The following SLC5A12 variants were observed in gnomAD, a reference collection of about 807,000 sequenced individuals.
SLC5A12 encodes sodium-coupled monocarboxylate transporter 2.
In SLC5A12, 46 loss-of-function variants were observed where a neutral mutation model predicts 72.7. The ratio of observed to expected loss-of-function variants is 0.63; its 90% CI spans 0.50 to 0.81. The LOEUF (loss-of-function observed/expected upper bound fraction) is 0.81. SLC5A12 is among the 30% of genes least tolerant of loss of function. The pLI, the probability that SLC5A12 is intolerant of heterozygous loss-of-function variation, is 0.00. For synonymous variants in SLC5A12, 275 were observed against 264.4 expected (o/e 1.04, Z -0.39); for missense variants, 683 against 740.7 (o/e 0.92, Z 0.90).
At chr11:26,708,903 C>CT (rs1258969664) in intron 4 of SLC5A12, among the ~76,000 whole-genome samples, 1 of 152,054 alleles carries the variant, frequency 6.6e-6, no homozygotes, top group African/African-American at 2.4e-5. Flanking sequence ...TCACTGCTCA[C>CT]TTGTATGTAC....
intron 13 of SLC5A12, among the ~76,000 whole-genome samples, chr11:26,673,955 T>C (rs1056019348): frequency 6.6e-6 from 1 of 152,112 alleles, no homozygotes; most frequent in African/African-American, 2.4e-5. Flanking sequence ...TTTTTATTGT[T>C]CCTTCTTTTC....
chr11:26,707,090 T>C (rs1705559686), intron 4 of SLC5A12, among the ~76,000 whole-genome samples: 1 of 151,874 alleles, frequency 6.6e-6, no homozygotes, highest in African/African-American at 2.4e-5. Flanking sequence ...TCCTGAAAGA[T>C]AGTTTTATCA....
chr11:26,699,082 T>C (rs551433048), intron 6 of SLC5A12, among the ~76,000 whole-genome samples: 1 of 152,384 alleles, frequency 6.6e-6, no homozygotes, highest in East Asian at 1.9e-4. Context: ...ACCCATACTA[T>C]GTGGTGCAAT....
At chr11:26,694,986 A>G (rs1854775034) in intron 8 of SLC5A12, among the ~76,000 whole-genome samples, 1 of 152,024 alleles carries the variant, frequency 6.6e-6, no homozygotes, top group South Asian at 2.1e-4. Flanking sequence ...AAGCACAATT[A>G]CATAAGAGAA....
chr11:26,692,017 T>C (rs1389621575), intron 9 of SLC5A12: 1 of 155,796 alleles, frequency 6.4e-6, no homozygotes, highest in Non-Finnish European at 1.4e-5. Context: ...ATGTGATTAG[T>C]TTGCAGGGGT....
In SLC5A12 at chr11:26,698,399, C is replaced by CCCATA; in HGVS notation, c.951+2_951+6dup. The CCCATA allele has an allele frequency of 6.2e-7, 1 of 1,613,248 alleles. No homozygotes were observed. ...ACACTCGCCACTGTCCTCAAGAAAACCCATACCTGGTCTGGTGCTGAGATG... is the reference window on the plus strand; with the variant it reads ...ACACTCGCCACTGTCCTCAAGAAAACCCATACCATACCTGGTCTGGTGCTGAGATG... On this transcript the variant is annotated splice_region_variant and intron_variant, in intron 7 of 14. Transcript: ENST00000396005.
intron 1 of SLC5A12, among the ~76,000 whole-genome samples, chr11:26,719,674 G>C (rs369065701): frequency 3.9e-5 from 6 of 152,080 alleles, no homozygotes; most frequent in Admixed American, 1.3e-4. Context: ...CACTTCCCTT[G>C]TCTGGTGCAA....
intron 12 of SLC5A12, among the ~76,000 whole-genome samples, chr11:26,680,002 C>A (rs1854354162): frequency 6.6e-6 from 1 of 151,644 alleles, no homozygotes; most frequent in African/African-American, 2.4e-5. Context: ...ACAAGACTAG[C>A]CTCAAGATTG....
chr11:26,673,213 C>T (rs761657079), intron 14 of SLC5A12, among the ~76,000 whole-genome samples, 189 bp downstream of exon 14: 1 of 152,176 alleles, frequency 6.6e-6, no homozygotes. Flanking sequence ...GCACTTTTAC[C>T]TATCAACATA....
intron 13 of SLC5A12, among the ~76,000 whole-genome samples, chr11:26,677,790 T>C (rs931640238): frequency 6.6e-6 from 1 of 152,302 alleles, no homozygotes; most frequent in Non-Finnish European, 1.5e-5. Flanking sequence ...ACCAGAAATG[T>C]TGCCATTCAG....
chr11:26,683,270 G>T (rs1384749503), intron 11 of SLC5A12, among the ~76,000 whole-genome samples: 2 of 152,192 alleles, frequency 1.3e-5, no homozygotes, highest in East Asian at 3.9e-4. Flanking sequence ...GCTTGTCAGA[G>T]CAGCAAAATG....
At chr11:26,718,480 G>A (rs772925704) in intron 1 of SLC5A12, among the ~76,000 whole-genome samples, 12 of 152,098 alleles carry the variant, frequency 7.9e-5, no homozygotes, top group Non-Finnish European at 1.2e-4. Context: ...TTTTTTTAAA[G>A]ACAGAGTCTC....
chr11:26,716,638 CT>C (rs1027533287), intron 1 of SLC5A12, among the ~76,000 whole-genome samples: 1 of 152,158 alleles, frequency 6.6e-6, no homozygotes, highest in African/African-American at 2.4e-5. Context: ...ACCAACTCTA[CT>C]TTTCAGGTTG....
intron 13 of SLC5A12, 38 bp from the exon 14 acceptor site, chr11:26,673,567 G>A (rs751384867): frequency 9.1e-6 from 14 of 1,539,732 alleles, no homozygotes; most frequent in Middle Eastern, 1.7e-4. Flanking sequence ...ATGGTTGCAG[G>A]CCTCCATGTC....
At position 26,673,488 on chromosome 11, in the gene SLC5A12, G is replaced by T. The variant is rs761272043; in HGVS notation, c.1621C>A (p.Pro541Thr). ...CAAAAGCAAAATAAATTACAAACTG[G>T]TCTAATTAACAGTGGTTGAATATCC... is the stretch of plus-strand genomic sequence containing the variant. ...GEDIQPLLIR[P>T]VCNLFCFWSK... Residue 541 changes from proline to threonine, a missense_variant, in exon 14 of 15, where the codon CCA (proline) becomes ACA (threonine). By Grantham distance (38) the Pro-to-Thr change is conservative (BLOSUM62 -1). Coordinates refer to ENST00000396005, the MANE Select transcript of SLC5A12 (RefSeq NM_178498.4). 1 of 1,611,536 alleles carries T rather than the reference G, an allele frequency of 6.2e-7. No individual in the cohort carries two copies.
At chr11:26,709,577 C>G (rs1466799423) in intron 3 of SLC5A12, among the ~76,000 whole-genome samples, 198 bp from the exon 4 acceptor site, 1 of 152,036 alleles carries the variant, frequency 6.6e-6, no homozygotes, top group South Asian at 2.1e-4. Flanking sequence ...TCTATCTAGT[C>G]CATACATTTC....
chr11:26,692,414 G>A (rs61877324), intron 9 of SLC5A12, 75 bp downstream of exon 9: 28,159 of 967,192 alleles, frequency 0.029, 497 homozygotes, highest in Non-Finnish European at 0.038. Flanking sequence ...GTCCTGAATA[G>A]CACATGCAGG....
chr11:26,698,467 A>G lies in SLC5A12; in HGVS notation c.890T>C (p.Met297Thr), dbSNP rs767356584. Reference protein sequence around the residue: ...LVCAVFSGLIMYSHFKDCDPW... With the variant: ...LVCAVFSGLITYSHFKDCDPW... ...GTCACAGTCTTTAAAGTGAGAGTAC[A>G]TGATTAAGCCAGAGAAGACAGCACA... Residue 297 changes from methionine (M) to threonine (T), a missense_variant, in exon 7 of 15, where the codon ATG (methionine) becomes ACG (threonine). Coordinates refer to ENST00000396005, the MANE Select transcript of SLC5A12 (RefSeq NM_178498.4). 6.2e-7 allele frequency: 1 copy of G among 1,614,078 alleles called. No homozygotes were observed.
intron 8 of SLC5A12, among the ~76,000 whole-genome samples, chr11:26,696,582 C>T (rs774558557): frequency 1.1e-4 from 16 of 152,192 alleles, no homozygotes; most frequent in Non-Finnish European, 2.1e-4. Flanking sequence ...GCCTATTGCT[C>T]CACGGTTACA....
Sources: allele counts gnomAD v4.1 joint callset (sites outside exome capture counted in the v4.1 genomes callset), GRCh38; gene constraint gnomAD v4.1.1; transcripts MANE v1.5; gene names NCBI Gene and HGNC (gene_info 2026-07-23, HGNC 2026-07-21).